MYO1A: variants seen among roughly 807,000 people sequenced by gnomAD.
The protein encoded by MYO1A is myosin IA.
In MYO1A, 127 loss-of-function variants were observed where a neutral mutation model predicts 138.5. That is an observed-to-expected ratio of 0.92 (90% CI 0.79 to 1.06). The LOEUF (loss-of-function observed/expected upper bound fraction) is 1.06, where lower values mean the gene tolerates loss of function less well. MYO1A is among the 50% of genes least tolerant of loss of function. The pLI, the probability that MYO1A is intolerant of heterozygous loss-of-function variation, is 0.00. For missense variants in MYO1A, 1,211 were observed against 1,288.8 expected, an observed-to-expected ratio of 0.94 and a Z score of 0.92; for synonymous variants, 477 against 497.5, an observed-to-expected ratio of 0.96 and a Z score of 0.55.
intron 19 of MYO1A, 81 bp downstream of exon 19, chr12:57,037,467 G>T: frequency 8.2e-7 from 1 of 1,225,338 alleles, no homozygotes; most frequent in Non-Finnish European, 1.2e-6. Flanking sequence ...GGTTATACAC[G>T]CTCCCTCCCC....
At chr12:57,049,511 G>A (rs1344184770) in intron 1 of MYO1A, among the ~76,000 whole-genome samples, 1 of 152,198 alleles carries the variant, frequency 6.6e-6, no homozygotes, top group African/African-American at 2.4e-5. Flanking sequence ...TCACTTACCA[G>A]AAGGACACAA....
chr12:57,038,866 A>G lies in MYO1A; in HGVS notation c.1476T>C (p.Arg492=), dbSNP rs758828743. The G allele has an allele frequency of 2.5e-6, 4 of 1,614,136 alleles. No homozygotes were observed. The Admixed American group carries it at 6.7e-5, about 27-fold the overall frequency. Residue 492 remains arginine (R), a synonymous_variant, in exon 16 of 28, where the codon CGT becomes CGC. Transcript: ENST00000300119. The part of the protein sequence containing the change: ...YESKVTQNAQ[R]QYDHTMGLSC... ...TGAGGCCCATGGTGTGGTCATACTG[A>G]CGCTGGGCATTCTGGGTGACTTTGC...
intron 23 of MYO1A, among the ~76,000 whole-genome samples, chr12:57,030,816 G>A (rs1237669636): frequency 1.3e-5 from 2 of 152,136 alleles, no homozygotes; most frequent in African/African-American, 2.4e-5. Context: ...GATGAAAAAC[G>A]CATATGGAGA....
chr12:57,038,753 T>A, intron 16 of MYO1A, 56 bp downstream of exon 16: 1 of 1,611,670 alleles, frequency 6.2e-7, no homozygotes, highest in Non-Finnish European at 8.5e-7. Context: ...TCCTCCCCCA[T>A]TGACTTCAGT....
At chr12:57,037,247 A>T (rs544265700) in intron 19 of MYO1A, among the ~76,000 whole-genome samples, 156 bp from the exon 20 acceptor site, 1 of 152,322 alleles carries the variant, frequency 6.6e-6, no homozygotes, top group African/African-American at 2.4e-5. Context: ...GTAAACAAGT[A>T]TCTACTTAAC....
At chr12:57,050,484 G>C (rs1036489900), upstream of MYO1A, among the ~76,000 whole-genome samples, 1 of 152,136 alleles carries the variant, frequency 6.6e-6, no homozygotes, top group African/African-American at 2.4e-5. Context: ...CCAGGAGTTC[G>C]AGACCAGCCT....
Position 57,038,954 on chromosome 12 carries a change from A to C in MYO1A, c.1388T>G (p.Val463Gly). 6.2e-7 allele frequency: 1 copy of C among 1,614,120 alleles called. No individual in the cohort carries two copies. The highest frequency in any genetic ancestry group is 8.5e-7 in the Non-Finnish European group (1 of 1,180,030). ...CTTTGCTAGGAAAGTGGAGTCACTG[A>C]CCACCCCAGGCCGCAGGCACTCCTC... ...LDEECLRPGVVSDSTFLAKLN... is the reference protein window; with the variant it reads ...LDEECLRPGVGSDSTFLAKLN... The change falls in exon 16 of 28, where the codon GTC becomes GGC. Residue 463 changes from valine to glycine, a missense_variant. By Grantham distance (109) the Val-to-Gly change is moderately radical (BLOSUM62 -3). Coordinates refer to ENST00000300119, the MANE Select transcript of MYO1A (RefSeq NM_005379.4).
chr12:57,037,227 T>C, intron 19 of MYO1A, 136 bp from the exon 20 acceptor site: 1 of 1,145,016 alleles, frequency 8.7e-7, no homozygotes, highest in Non-Finnish European at 1.3e-6. Context: ...TTTGCTCATT[T>C]ATTCATTCAG....
chr12:57,043,176 C>A lies in MYO1A; in HGVS notation c.1012-18G>T, dbSNP rs769734508. The A allele has an allele frequency of 2.9e-4, 466 of 1,614,042 alleles. No homozygotes were observed. The highest frequency in any genetic ancestry group is 3.8e-4 in the Non-Finnish European group (453 of 1,180,008). ...TACTGAGCCTGTGGGTGAGGCACAG[C>A]TGATTAGGGTGGCATCACAGAACAG... On this transcript the variant is annotated intron_variant, in intron 11 of 27. Coordinates refer to ENST00000300119, the MANE Select transcript of MYO1A (RefSeq NM_005379.4).
intron 8 of MYO1A, 35 bp from the exon 9 acceptor site, chr12:57,044,244 C>T (rs1229493598): frequency 5.1e-6 from 8 of 1,566,556 alleles, no homozygotes; most frequent in Admixed American, 5.1e-5. Context: ...ATGGTTAGTA[C>T]CCAGGCTCTC....
At chr12:57,043,671 CA>C (rs1407264341) in intron 10 of MYO1A, among the ~76,000 whole-genome samples, 184 bp downstream of exon 10, 1 of 152,214 alleles carries the variant, frequency 6.6e-6, no homozygotes, top group Non-Finnish European at 1.5e-5. Flanking sequence ...TATCAAATTT[CA>C]AAAGCTCATT....
At chr12:57,030,905 G>T in intron 23 of MYO1A, 135 bp downstream of exon 23, 1 of 1,096,062 alleles carries the variant, frequency 9.1e-7, no homozygotes, top group Admixed American at 2.4e-5. Context: ...CGTTAAAATG[G>T]TAGATTGTAT....
intron 21 of MYO1A, 73 bp from the exon 22 acceptor site, chr12:57,036,454 A>G (rs1370232585): frequency 2.4e-5 from 35 of 1,453,232 alleles, no homozygotes; most frequent in Non-Finnish European, 4.8e-6. Flanking sequence ...CTATTTTTCA[A>G]CCACGCAAAG....
rs574840611 is a variant in MYO1A at position 57,028,545 on chromosome 12, A to C, written c.*210T>G. 2 of 592,396 alleles carry C rather than the reference A, an allele frequency of 3.4e-6. No homozygotes were observed. The highest frequency in any genetic ancestry group is 1.9e-5 in the African/African-American group (1 of 53,654). 36.7% of individuals were successfully genotyped at this position (592,396 alleles called of 1,614,324 possible). ...ACCTTTCCAAGCCACATGTTTTATT[A>C]GTGTGCAGAGAGGCTGCGGGTTGGA... On this transcript the variant is annotated 3_prime_UTR_variant, in exon 28 of 28. Coordinates refer to ENST00000300119, the MANE Select transcript of MYO1A (RefSeq NM_005379.4).
intron 14 of MYO1A, 108 bp downstream of exon 14, chr12:57,041,076 G>C: frequency 1.2e-6 from 1 of 813,064 alleles, no homozygotes; most frequent in Non-Finnish European, 2.1e-6. Context: ...TGTCCTCTGT[G>C]TTCACATCTG....
chr12:57,040,140 A>G (rs985478749), intron 14 of MYO1A, among the ~76,000 whole-genome samples: 1 of 152,222 alleles, frequency 6.6e-6, no homozygotes, highest in African/African-American at 2.4e-5. Context: ...AGGTCTTTAA[A>G]GAAAACAAAA....
chr12:57,036,532 G>C, intron 21 of MYO1A, 151 bp from the exon 22 acceptor site: 2 of 974,556 alleles, frequency 2.1e-6, no homozygotes, highest in South Asian at 2.7e-5. Context: ...AGTTGGCAGT[G>C]AGGACACTTA....
chr12:57,031,276 C>T (rs1408883701), intron 22 of MYO1A, 102 bp from the exon 23 acceptor site: 1 of 1,438,144 alleles, frequency 7.0e-7, no homozygotes, highest in East Asian at 2.3e-5. Flanking sequence ...GAAGTTAACC[C>T]ACAGTGAGAA....
rs2030256633 is a variant in MYO1A at position 57,031,080 on chromosome 12, G to A, written c.2444C>T (p.Thr815Ile). Residue 815 changes from threonine (T) to isoleucine (I), a missense_variant, in exon 23 of 28, where the codon ACA becomes ATA. Thr to Ile is a moderately conservative substitution (Grantham distance 89). Transcript: ENST00000300119. ...WPAAPYKCLS[T>I]ANQELQQLFY... ...GAGCTGCTGCAGCTCCTGATTTGCT[G>A]TGCTGAGGCACTTGTAGGGGGCGGC... The A allele has an allele frequency of 1.9e-6, 3 of 1,614,130 alleles. No homozygotes were observed. In the East Asian group the frequency reaches 6.7e-5, roughly 36 times the overall value.
Sources: allele counts gnomAD v4.1 joint callset (sites outside exome capture counted in the v4.1 genomes callset), GRCh38; gene constraint gnomAD v4.1.1; transcripts MANE v1.5; gene names NCBI Gene and HGNC (gene_info 2026-07-23, HGNC 2026-07-21).